The following SUCLG2 variants were observed in gnomAD, a reference collection of about 807,000 sequenced individuals.
SUCLG2 encodes the protein succinate--CoA ligase [GDP-forming] subunit beta, mitochondrial.
Under a neutral mutation model 47.9 loss-of-function variants are expected in SUCLG2, and 42 were observed. The ratio of observed to expected loss-of-function variants is 0.88; its 90% CI spans 0.69 to 1.14. The LOEUF is 1.14. SUCLG2 is among the 50% of genes most tolerant of loss of function. The pLI, the probability that SUCLG2 is intolerant of heterozygous loss-of-function variation, is 0.00. For synonymous variants in SUCLG2, 195 were observed against 197.3 expected, an observed-to-expected ratio of 0.99 and a Z score of 0.10; for missense variants, 571 against 525.9, an observed-to-expected ratio of 1.09 and a Z score of -0.84.
chr3:67,529,548 C>T (rs1421593288), intron 2 of SUCLG2, among the ~76,000 whole-genome samples: 1 of 152,244 alleles, frequency 6.6e-6, no homozygotes, highest in East Asian at 1.9e-4. Flanking sequence ...GGCAGAGGCA[C>T]CAGTTGGCCA....
chr3:67,636,788 G>A (rs1040106406), intron 1 of SUCLG2, among the ~76,000 whole-genome samples: 7 of 151,482 alleles, frequency 4.6e-5, no homozygotes, highest in South Asian at 4.1e-4. Context: ...GAGCCACCAT[G>A]CCTGGCTGGC....
intron 2 of SUCLG2, among the ~76,000 whole-genome samples, chr3:67,539,798 G>A (rs1271241764): frequency 6.6e-6 from 1 of 152,158 alleles, no homozygotes; most frequent in African/African-American, 2.4e-5. Flanking sequence ...GAAGGTGTAT[G>A]TGACCAGGAA....
chr3:67,631,878 A>G (rs1700932019), intron 1 of SUCLG2, among the ~76,000 whole-genome samples: 2 of 152,180 alleles, frequency 1.3e-5, no homozygotes, highest in Non-Finnish European at 2.9e-5. Flanking sequence ...TAATTAATTA[A>G]TTAGATACAA....
At chr3:67,410,669 A>G (rs1224220095) in intron 9 of SUCLG2, among the ~76,000 whole-genome samples, 1 of 152,152 alleles carries the variant, frequency 6.6e-6, no homozygotes, top group African/African-American at 2.4e-5. Context: ...ATTTGGCCAC[A>G]GAGATATTCA....
intron 9 of SUCLG2, among the ~76,000 whole-genome samples, chr3:67,472,008 T>G (rs1364604347): frequency 6.6e-6 from 1 of 152,194 alleles, no homozygotes. Flanking sequence ...TTAAGACAAT[T>G]ATTTTCATAA....
chr3:67,588,745 G>A (rs567950997), intron 2 of SUCLG2, among the ~76,000 whole-genome samples: 2 of 152,276 alleles, frequency 1.3e-5, no homozygotes, highest in East Asian at 3.9e-4. Flanking sequence ...GAGCACCAAT[G>A]TTTAAGTCTT....
At chr3:67,489,554 G>T (rs1207752136) in intron 9 of SUCLG2, among the ~76,000 whole-genome samples, 2 of 152,112 alleles carry the variant, frequency 1.3e-5, no homozygotes, top group African/African-American at 4.8e-5. Flanking sequence ...ATATTTTCAA[G>T]CAAACCTGCA....
intron 2 of SUCLG2, among the ~76,000 whole-genome samples, chr3:67,585,989 A>C (rs1319400451): frequency 3.4e-4 from 17 of 49,324 alleles, no homozygotes; most frequent in African/African-American, 7.8e-4. Flanking sequence ...AAAAAAAAAA[A>C]AACCAAACCC....
chr3:67,459,413 A>C (rs1486598350), intron 9 of SUCLG2, among the ~76,000 whole-genome samples: 1 of 152,194 alleles, frequency 6.6e-6, no homozygotes, highest in Non-Finnish European at 1.5e-5. Flanking sequence ...CCATTCCCTA[A>C]AACTATTCCA....
intron 7 of SUCLG2, among the ~76,000 whole-genome samples, chr3:67,506,250 T>C (rs1369183566): frequency 1.3e-5 from 2 of 152,230 alleles, no homozygotes; most frequent in Non-Finnish European, 2.9e-5. Context: ...ATGATGAAGA[T>C]CAATTTGTAC....
At chr3:67,534,845 T>C (rs140775921) in intron 2 of SUCLG2, among the ~76,000 whole-genome samples, 235 of 147,566 alleles carry the variant, frequency 1.6e-3, no homozygotes, top group African/African-American at 5.6e-3. Flanking sequence ...TTAAAGAATT[T>C]CTAACATTGT....
chr3:67,514,021 G>C, intron 6 of SUCLG2: 1 of 343,514 alleles, frequency 2.9e-6, no homozygotes, highest in Admixed American at 3.6e-5. Flanking sequence ...CATATCCCTG[G>C]AAACCCAGCA....
At chr3:67,594,590 C>T (rs1708250988) in intron 2 of SUCLG2, among the ~76,000 whole-genome samples, 1 of 152,200 alleles carries the variant, frequency 6.6e-6, no homozygotes, top group Non-Finnish European at 1.5e-5. Context: ...CAGTATTTCT[C>T]ACAATCTGTC....
intron 1 of SUCLG2, among the ~76,000 whole-genome samples, chr3:67,635,906 A>G (rs959961996): frequency 1.3e-5 from 2 of 152,068 alleles, no homozygotes; most frequent in Non-Finnish European, 2.9e-5. Context: ...CAAAACCTTC[A>G]AGTACTTGTT....
intron 9 of SUCLG2, among the ~76,000 whole-genome samples, chr3:67,441,315 T>C (rs1703758564): frequency 6.6e-6 from 1 of 151,660 alleles, no homozygotes; most frequent in African/African-American, 2.4e-5. Flanking sequence ...CCATGGCATG[T>C]GTATAACTAT....
chr3:67,564,060 G>A (rs1348205454), intron 2 of SUCLG2, among the ~76,000 whole-genome samples: 4 of 151,974 alleles, frequency 2.6e-5, no homozygotes, highest in African/African-American at 9.7e-5. Context: ...AAGAATAGAG[G>A]GAGAGGGATA....
At chr3:67,598,861 C>CGAGAA (rs1349271222) in intron 2 of SUCLG2, among the ~76,000 whole-genome samples, 1 of 152,140 alleles carries the variant, frequency 6.6e-6, no homozygotes, top group East Asian at 1.9e-4. Flanking sequence ...ATGGAGCCTT[C>CGAGAA]GAGAAGTTAC....
chr3:67,453,681 A>G (rs1168946455), intron 9 of SUCLG2, among the ~76,000 whole-genome samples: 2 of 152,254 alleles, frequency 1.3e-5, no homozygotes, highest in Admixed American at 6.5e-5. Context: ...ATCAGGAAGT[A>G]AGAAAACAAT....
chr3:67,608,377 AT>A (rs1426439224), intron 2 of SUCLG2, among the ~76,000 whole-genome samples: 2 of 152,222 alleles, frequency 1.3e-5, no homozygotes, highest in Non-Finnish European at 2.9e-5. Context: ...ATGTGCTGCT[AT>A]CTCAGGTAAA....
Sources: gnomAD v4.1 joint callset for allele counts (sites outside exome capture counted in the v4.1 genomes callset) on GRCh38, gnomAD v4.1.1 for gene constraint, MANE v1.5 for transcripts, NCBI Gene and HGNC (gene_info 2026-07-23, HGNC 2026-07-21) for gene names.